Variants in ZBBX observed in about 807,000 individuals in gnomAD.
ZBBX encodes zinc finger B-box domain-containing protein 1.
In ZBBX, 101 loss-of-function variants were observed where a neutral mutation model predicts 108.5. The ratio of observed to expected loss-of-function variants is 0.93; its 90% CI spans 0.79 to 1.10. The LOEUF is 1.10. Among genes scored for constraint, ZBBX ranks in the 50% least tolerant of loss-of-function variants. ZBBX has a pLI of 0.00. For missense variants in ZBBX, 1,009 were observed against 941.4 expected (o/e 1.07, Z -0.94); for synonymous variants, 356 against 323.4 (o/e 1.10, Z -1.08).
intron 20 of ZBBX, among the ~76,000 whole-genome samples, chr3:167,269,077 G>A (rs995604605): frequency 1.3e-5 from 2 of 152,198 alleles, no homozygotes; most frequent in Non-Finnish European, 2.9e-5. Flanking sequence ...CAAAGGGAGA[G>A]ACAAGCCCTT....
chr3:167,209,892 C>T, the ZBBX span, among the ~76,000 whole-genome samples: 1 of 152,084 alleles, frequency 6.6e-6, no homozygotes, highest in African/African-American at 2.4e-5. Context: ...GAGTTCAAGA[C>T]CAGACTGGCC....
chr3:167,327,721 C>A (rs533363004), intron 11 of ZBBX, among the ~76,000 whole-genome samples: 20 of 152,004 alleles, frequency 1.3e-4, no homozygotes, highest in Non-Finnish European at 2.6e-4. Flanking sequence ...TGAGACCAGC[C>A]TGCCCAACAT....
At chr3:167,284,624 C>T (rs1488342882) in intron 19 of ZBBX, among the ~76,000 whole-genome samples, 2 of 152,072 alleles carry the variant, frequency 1.3e-5, no homozygotes, top group African/African-American at 4.8e-5. Context: ...CTAATAAGAA[C>T]ATTTGATTGC....
chr3:167,210,552 G>C, the ZBBX span, among the ~76,000 whole-genome samples: 1 of 152,066 alleles, frequency 6.6e-6, no homozygotes, highest in African/African-American at 2.4e-5. Context: ...GTTCAAGTAT[G>C]AGAAAGCTAT....
At chr3:167,234,747 A>G in the ZBBX span, among the ~76,000 whole-genome samples, 3 of 151,774 alleles carry the variant, frequency 2.0e-5, no homozygotes, top group Non-Finnish European at 2.9e-5. Context: ...CACTTTCCTC[A>G]TCTTCTCTAG....
chr3:167,219,531 G>A, the ZBBX span, among the ~76,000 whole-genome samples: 1 of 151,904 alleles, frequency 6.6e-6, no homozygotes, highest in Non-Finnish European at 1.5e-5. Flanking sequence ...TTAATTACTA[G>A]TAGGTCAATG....
At position 167,327,845 on chromosome 3, in the gene ZBBX, T is replaced by C. The variant is rs1340421354; in HGVS notation, c.862+97A>G. 7 of 1,176,842 alleles carry C rather than the reference T, an allele frequency of 5.9e-6. No homozygotes were observed. The African/African-American group carries it at 8.8e-5, about 15-fold the overall frequency. The allele number at this position is 1,176,842 out of a possible 1,614,324, so 72.9% of individuals were successfully genotyped here. On this transcript the variant is annotated intron_variant, in intron 11 of 21. Transcript: ENST00000675490. ...AGGAGAATTACTTGAACCCGGAAGG[T>C]GGAGGTTGCAGTAAGCCAAGATCAC...
upstream of ZBBX, among the ~76,000 whole-genome samples, chr3:167,385,241 A>G (rs1436702094): frequency 1.3e-5 from 2 of 152,018 alleles, no homozygotes; most frequent in Non-Finnish European, 2.9e-5. Flanking sequence ...ATAAGCCCTT[A>G]TAGCATGCTA....
intron 1 of ZBBX, among the ~76,000 whole-genome samples, chr3:167,385,312 T>G (rs1220496691): frequency 6.6e-6 from 1 of 151,958 alleles, no homozygotes; most frequent in African/African-American, 2.4e-5. Context: ...TCTAAGCATA[T>G]GTAAACACAG....
At chr3:167,186,403 G>A in the ZBBX span, among the ~76,000 whole-genome samples, 1 of 151,896 alleles carries the variant, frequency 6.6e-6, no homozygotes, top group Non-Finnish European at 1.5e-5. Context: ...AAGGAAGGAA[G>A]GAAGGAAAGG....
chr3:167,389,668 A>G (rs889298324), intron 1 of ZBBX, among the ~76,000 whole-genome samples: 1 of 152,150 alleles, frequency 6.6e-6, no homozygotes, highest in Admixed American at 6.5e-5. Context: ...AATAATTGCC[A>G]TTCTAACTGG....
At chr3:167,218,758 C>A in the ZBBX span, among the ~76,000 whole-genome samples, 1 of 151,932 alleles carries the variant, frequency 6.6e-6, no homozygotes. Flanking sequence ...AACTAAATGG[C>A]AAGATTAAGT....
intron 12 of ZBBX, among the ~76,000 whole-genome samples, chr3:167,318,561 C>T (rs1209586562): frequency 2.0e-5 from 3 of 151,878 alleles, no homozygotes; most frequent in Non-Finnish European, 4.4e-5. Flanking sequence ...CTTTGTAATG[C>T]CTCTTCTGCA....
chr3:167,322,295 T>A, intron 11 of ZBBX, 58 bp from the exon 12 acceptor site: 1 of 1,364,482 alleles, frequency 7.3e-7, no homozygotes, highest in South Asian at 2.0e-5. Flanking sequence ...AATTACTATA[T>A]CTTCTCTTAA....
At chr3:167,198,391 G>A in the ZBBX span, among the ~76,000 whole-genome samples, 1 of 151,976 alleles carries the variant, frequency 6.6e-6, no homozygotes, top group African/African-American at 2.4e-5. Context: ...ATATGATAAT[G>A]TAAAAATATT....
rs142635787 is a variant in ZBBX at position 167,339,318 on chromosome 3, C to A, written c.529-5333G>T. ...CAACCCTGCATTTCACTAAGTTAAG[C>A]CATCTAGAAAAACTATGAGCACAAA... is the stretch of plus-strand genomic sequence containing the variant. On this transcript the variant is annotated intron_variant, in intron 9 of 21. Transcript: ENST00000675490. Among the ~76,000 whole-genome samples, 123 of 152,162 alleles carry A rather than the reference C, an allele frequency of 8.1e-4. No individual in the cohort carries two copies. The East Asian group carries it at 0.019, about 23-fold the overall frequency.
rs115598914 is a variant in ZBBX at position 167,343,406 on chromosome 3, T to G, written c.528+7014A>C. 5.7e-3 allele frequency among the ~76,000 whole-genome samples: 870 copies of G among 151,952 alleles called. 6 individuals are homozygous for G. The highest frequency in any genetic ancestry group is 0.02 in the African/African-American group (826 of 41,500). ...ACTAAGCCACTTACATTCTCCCAAC[T>G]CTTCATTAACTCTAATTTCCATTCT... On this transcript the variant is annotated intron_variant, in intron 9 of 21. Coordinates refer to ENST00000675490, the MANE Select transcript of ZBBX (RefSeq NM_001199201.2).
intron 5 of ZBBX, among the ~76,000 whole-genome samples, chr3:167,366,362 T>C (rs1205176779): frequency 1.3e-5 from 2 of 151,812 alleles, no homozygotes; most frequent in East Asian, 3.9e-4. Flanking sequence ...TACCCCAAAA[T>C]ATTCAGTGGA....
chr3:167,304,060 T>G (rs1733173613), intron 17 of ZBBX, among the ~76,000 whole-genome samples: 1 of 152,220 alleles, frequency 6.6e-6, no homozygotes, highest in African/African-American at 2.4e-5. Flanking sequence ...TTAGAAATTT[T>G]TATTGGCCTT....
Sources: gnomAD v4.1 joint callset for allele counts (sites outside exome capture counted in the v4.1 genomes callset) on GRCh38, gnomAD v4.1.1 for gene constraint, MANE v1.5 for transcripts, NCBI Gene and HGNC (gene_info 2026-07-23, HGNC 2026-07-21) for gene names.